MUC15: variants seen among roughly 807,000 people sequenced by gnomAD.
MUC15 encodes mucin 15, cell surface associated.
In MUC15, 23 loss-of-function variants were observed where a neutral mutation model predicts 24.0. The ratio of observed to expected loss-of-function variants is 0.96; its 90% CI spans 0.69 to 1.36. The LOEUF is 1.36. MUC15 is among the 40% of genes most tolerant of loss of function. MUC15 has a pLI of 0.00. For synonymous variants in MUC15, 151 were observed against 156.3 expected (o/e 0.97, Z 0.25); for missense variants, 442 against 428.2 (o/e 1.03, Z -0.29).
intron 3 of MUC15, 86 bp from the exon 4 acceptor site, chr11:26,563,351 G>T (rs1252731573): frequency 7.6e-7 from 1 of 1,317,586 alleles, no homozygotes; most frequent in Admixed American, 2.6e-5. Context: ...ATATAACAAA[G>T]AATGTTTAAC....
rs575173909 is a variant in MUC15, at chr11:26,565,283, G to T, written c.657C>A (p.Thr219=). The T allele has an allele frequency of 1.2e-5, 19 of 1,605,530 alleles. No homozygotes were observed. In the South Asian group the frequency reaches 2.0e-4, roughly 17 times the overall value. The change falls in exon 3 of 5, where the codon ACC becomes ACA. Residue 219 remains threonine, a synonymous_variant. Coordinates refer to ENST00000529533, the MANE Select transcript of MUC15 (RefSeq NM_001135091.2). ...PLIVEPSGWL[T]TNSDSFTGFT... ...ACCCAGTGAAGCTATCACTGTTTGTGGTAAGCCATCCACTTGGTTCCACTA... is the reference window on the plus strand; with the variant it reads ...ACCCAGTGAAGCTATCACTGTTTGTTGTAAGCCATCCACTTGGTTCCACTA...
chr11:26,569,366 A>G (rs1234578186), intron 1 of MUC15, among the ~76,000 whole-genome samples: 2 of 152,138 alleles, frequency 1.3e-5, no homozygotes, highest in Non-Finnish European at 2.9e-5. Flanking sequence ...TCAGAAATTT[A>G]TACACTACAG....
At chr11:26,562,273 T>G (rs1057370326) in intron 4 of MUC15, among the ~76,000 whole-genome samples, 2 of 151,978 alleles carry the variant, frequency 1.3e-5, no homozygotes, top group East Asian at 1.9e-4. Flanking sequence ...CATTTATAAT[T>G]TACAGATTTG....
chr11:26,564,723 AC>A (rs1850467880), intron 3 of MUC15, among the ~76,000 whole-genome samples: 1 of 62,822 alleles, frequency 1.6e-5, no homozygotes, highest in African/African-American at 5.5e-5. Flanking sequence ...ACACACACAC[AC>A]ACACACACAT....
Position 26,560,316 on chromosome 11 carries a change from C to T in MUC15, c.*749G>A, listed in dbSNP as rs1327023367. On this transcript the variant is annotated 3_prime_UTR_variant, in exon 5 of 5. Transcript: ENST00000529533. The stretch of plus-strand genomic sequence containing the variant: ...AACTTTTTTTTTTTACCATGATTCT[C>T]ATTGAGTTTTTAAGGCACCCAAATA... 6.6e-6 allele frequency: 1 copy of T among 151,808 alleles called. No homozygotes were observed. The highest frequency in any genetic ancestry group is 1.9e-4 in the East Asian group (1 of 5,168). The allele number at this position is 151,808 out of a possible 1,614,324, so 9.4% of individuals were successfully genotyped here.
At chr11:26,564,954 A>G (rs1383429436) in intron 3 of MUC15, among the ~76,000 whole-genome samples, 1 of 150,482 alleles carries the variant, frequency 6.6e-6, no homozygotes, top group African/African-American at 2.4e-5. Context: ...TTACACTCCC[A>G]AAGAGAAATG....
Position 26,563,242 on chromosome 11 carries a change from A to G in MUC15, c.799T>C (p.Phe267Leu), listed in dbSNP as rs372461913. The G allele has an allele frequency of 6.2e-7, 1 of 1,606,882 alleles. No homozygotes were observed. Among genetic ancestry groups the G allele is most frequent in the Non-Finnish European group, 8.5e-7 (1 of 1,176,236 alleles). Residue 267 changes from phenylalanine (F) to leucine (L), a missense_variant, in exon 4 of 5, where the codon TTC (phenylalanine) becomes CTC (leucine). Phe to Leu is a conservative substitution (Grantham distance 22). Coordinates refer to ENST00000529533, the MANE Select transcript of MUC15 (RefSeq NM_001135091.2). Reference sequence around the variant, plus strand: ...AGAATAGCACCTAAAATGGCCCCGAATACTATTCCTGTATTTCTATTTTCT... The same window carrying G: ...AGAATAGCACCTAAAATGGCCCCGAGTACTATTCCTGTATTTCTATTTTCT... ...QKENRNTGIV[F>L]GAILGAILGV...
chr11:26,564,720 CACACACACACACATATATAT>C (rs1422011410), intron 3 of MUC15, among the ~76,000 whole-genome samples: 99 of 75,538 alleles, frequency 1.3e-3, no homozygotes, highest in Admixed American at 2.1e-3. Flanking sequence ...CACACACACA[CACACACACACACATATATAT>C]ATATATATAT....
chr11:26,565,325 T>C lies in MUC15; in HGVS notation c.615A>G (p.Pro205=), dbSNP rs1850525993. Residue 205 remains proline (P), a synonymous_variant, in exon 3 of 5, where the codon CCA becomes CCG. Coordinates refer to ENST00000529533, the MANE Select transcript of MUC15 (RefSeq NM_001135091.2). The part of the protein sequence containing the change: ...VSILSSEPTS[P]SVTPLIVEPS... ...GTTCCACTATCAAGGGGGTCACAGA[T>C]GGAGAAGTTGGTTCTGAAGAGAGGA... 1 of 1,610,948 alleles carries C rather than the reference T, an allele frequency of 6.2e-7. No individual in the cohort carries two copies. The highest frequency in any genetic ancestry group is 8.5e-7 in the Non-Finnish European group (1 of 1,178,250).
chr11:26,559,514 ATGT>A lies in MUC15; in HGVS notation c.*1548_*1550del, dbSNP rs1216056854. The A allele has an allele frequency of 5.5e-6, 3 of 547,218 alleles. No homozygotes were observed. The highest frequency in any genetic ancestry group is 5.9e-5 in the East Asian group (2 of 33,698). The allele number at this position is 547,218 out of a possible 1,614,324, so 33.9% of individuals were successfully genotyped here. On this transcript the variant is annotated 3_prime_UTR_variant, in exon 5 of 5. Coordinates refer to ENST00000529533, the MANE Select transcript of MUC15 (RefSeq NM_001135091.2). The stretch of plus-strand genomic sequence containing the variant: ...ATCAAGAGAGGAGAGAAGAGGGCTA[ATGT>A]TGTTTCTTCACCTCTCCCCATGAGA...
intron 1 of MUC15, among the ~76,000 whole-genome samples, chr11:26,567,538 T>C (rs906304280): frequency 2.6e-5 from 4 of 151,992 alleles, no homozygotes; most frequent in African/African-American, 4.8e-5. Context: ...ATTTCTCACA[T>C]GTGGTACAAC....
chr11:26,564,925 A>G (rs1209418924), intron 3 of MUC15, among the ~76,000 whole-genome samples: 1 of 150,102 alleles, frequency 6.7e-6, no homozygotes, highest in Non-Finnish European at 1.5e-5. Flanking sequence ...CTAACTTCAC[A>G]TTTTGTCCCA....
At chr11:26,571,129 A>G (rs1850808046) in intron 1 of MUC15, among the ~76,000 whole-genome samples, 1 of 152,124 alleles carries the variant, frequency 6.6e-6, no homozygotes, top group Non-Finnish European at 1.5e-5. Context: ...GGGAGTTTTC[A>G]GTCATAAAAT....
chr11:26,559,882 T>G lies in MUC15; in HGVS notation c.*1183A>C. The G allele has an allele frequency of 3.7e-6, 3 of 820,084 alleles. No homozygotes were observed. The highest frequency in any genetic ancestry group is 6.0e-6 in the Non-Finnish European group (3 of 497,978). The allele number at this position is 820,084 out of a possible 1,614,324, so 50.8% of individuals were successfully genotyped here. A position where few individuals can be genotyped will look rare whatever the true frequency, so the allele number is the denominator to read the frequency against. On this transcript the variant is annotated 3_prime_UTR_variant, in exon 5 of 5. Coordinates refer to ENST00000529533, the MANE Select transcript of MUC15 (RefSeq NM_001135091.2). Reference sequence around the variant, plus strand: ...CACACACACACACACACACCATGAATCAATTCAAAAATAAAGCCTCTAGGT... The same window carrying G: ...CACACACACACACACACACCATGAAGCAATTCAAAAATAAAGCCTCTAGGT...
intron 1 of MUC15, 107 bp downstream of exon 1, chr11:26,571,934 C>T: frequency 2.9e-6 from 1 of 348,002 alleles, no homozygotes; most frequent in Non-Finnish European, 4.0e-6. Context: ...GCTGTTCTGT[C>T]AAAGTTGAGA....
At chr11:26,561,256 C>T (rs375711095) in intron 4 of MUC15, 31 bp from the exon 5 acceptor site, 84 of 1,511,194 alleles carry the variant, frequency 5.6e-5, no homozygotes, top group Admixed American at 8.3e-5. Context: ...TACTGTTTCA[C>T]AGTGATACTC....
chr11:26,561,308 A>T (rs1162028883), intron 4 of MUC15, 83 bp from the exon 5 acceptor site: 1 of 967,256 alleles, frequency 1.0e-6, no homozygotes, highest in Admixed American at 3.6e-5. Flanking sequence ...TATAGGAATT[A>T]TTCTAGATGA....
At chr11:26,568,070 G>C (rs981078335) in intron 1 of MUC15, among the ~76,000 whole-genome samples, 3 of 151,962 alleles carry the variant, frequency 2.0e-5, no homozygotes, top group Non-Finnish European at 4.4e-5. Context: ...TTACATAGGT[G>C]TTTGTATTTG....
Position 26,565,577 on chromosome 11 carries a change from C to T in MUC15, c.363G>A (p.Glu121=), listed in dbSNP as rs748600068. 9.3e-6 allele frequency: 15 copies of T among 1,613,154 alleles called. No homozygotes were observed. The East Asian group carries it at 2.9e-4, about 31-fold the overall frequency. Residue 121 remains glutamate, a synonymous_variant, in exon 3 of 5, where the codon GAG becomes GAA. Transcript: ENST00000529533. ...ITDFSSNSSA[E]HSLGSLKPTS... is the part of the protein sequence containing the mutation. ...TGGGTTTTAGACTGCCCAAAGAATG[C>T]TCTGCTGATGAGTTACTGGAGAAAT...
Sources: allele counts gnomAD v4.1 joint callset (sites outside exome capture counted in the v4.1 genomes callset), GRCh38; gene constraint gnomAD v4.1.1; transcripts MANE v1.5; gene names NCBI Gene and HGNC (gene_info 2026-07-23, HGNC 2026-07-21).